Variants in MACROD2 observed in about 807,000 individuals in gnomAD.
MACROD2 encodes mono-ADP ribosylhydrolase 2.
A neutral mutation model predicts 70.4 loss-of-function variants in MACROD2; 36 were observed. That is an observed-to-expected ratio of 0.51 (90% CI 0.39 to 0.68). MACROD2 has a LOEUF of 0.68. Ranked by LOEUF, MACROD2 falls within the 30% of genes least tolerant of loss-of-function variation. The probability of loss-of-function intolerance (pLI) is 0.00; values close to 1 mark genes in which losing one functional copy is unlikely to be tolerated. For synonymous variants in MACROD2, 172 were observed against 178.8 expected (o/e 0.96, Z 0.30); for missense variants, 496 against 538.4 (o/e 0.92, Z 0.78).
intron 8 of MACROD2, among the ~76,000 whole-genome samples, chr20:15,544,544 GGA>G (rs1405806537): frequency 1.3e-5 from 2 of 152,166 alleles, no homozygotes; most frequent in Non-Finnish European, 2.9e-5. Context: ...TCACCTGCGA[GGA>G]GAGTCAGACT....
intron 4 of MACROD2, among the ~76,000 whole-genome samples, chr20:14,559,950 C>CT (rs1201276106): frequency 6.6e-6 from 1 of 151,766 alleles, no homozygotes; most frequent in African/African-American, 2.4e-5. Flanking sequence ...CAATCTGGTC[C>CT]TTTTTCTTTT....
chr20:14,445,231 A>G (rs1240924343), intron 3 of MACROD2, among the ~76,000 whole-genome samples: 1 of 152,014 alleles, frequency 6.6e-6, no homozygotes, highest in Non-Finnish European at 1.5e-5. Context: ...CGCAAGCTCC[A>G]TGAGGGCAAG....
intron 3 of MACROD2, among the ~76,000 whole-genome samples, chr20:14,415,624 C>T (rs2122878317): frequency 6.6e-6 from 1 of 152,260 alleles, no homozygotes; most frequent in Admixed American, 6.5e-5. Context: ...GATTTACATT[C>T]AGGGGGAAAC....
At position 15,229,992 on chromosome 20, in the gene MACROD2, C is replaced by T; in HGVS notation, c.471C>T (p.His157=). The T allele has an allele frequency of 1.9e-6, 3 of 1,613,710 alleles. No individual in the cohort carries two copies. The highest frequency in any genetic ancestry group is 2.5e-6 in the Non-Finnish European group (3 of 1,179,688). ...PIARGHINGS[H]KEDLANCYKS... is the part of the protein sequence containing the mutation. ...CCAGGGGCCATATTAATGGTTCCCA[C>T]AAGGAAGACCTTGCAAATTGCTATA... Residue 157 remains histidine (H), a synonymous_variant, in exon 6 of 18, where the codon CAC becomes CAT. Coordinates refer to ENST00000684519, the MANE Select transcript of MACROD2 (RefSeq NM_001351661.2).
At chr20:15,626,312 T>C (rs1027129751) in intron 8 of MACROD2, among the ~76,000 whole-genome samples, 1 of 152,204 alleles carries the variant, frequency 6.6e-6, no homozygotes, top group Non-Finnish European at 1.5e-5. Flanking sequence ...AAAATGTCTT[T>C]TCTTAGAGGT....
intron 8 of MACROD2, among the ~76,000 whole-genome samples, chr20:15,507,494 TTCTTTTCTCTTC>T (rs2146505524): frequency 6.6e-6 from 1 of 152,008 alleles, no homozygotes; most frequent in South Asian, 2.1e-4. Flanking sequence ...TTTCTTTCTT[TTCTTTTCTCTTC>T]TCTTTTCTTT....
chr20:15,667,095 G>A (rs6043418), intron 8 of MACROD2, among the ~76,000 whole-genome samples: 88,798 of 151,912 alleles, frequency 0.58, 26,328 homozygotes, highest in East Asian at 0.86. Context: ...TCTCATGTTG[G>A]ATTGTAATCC....
chr20:15,218,915 G>C (rs922101504), intron 5 of MACROD2, among the ~76,000 whole-genome samples: 1 of 152,074 alleles, frequency 6.6e-6, no homozygotes, highest in Non-Finnish European at 1.5e-5. Flanking sequence ...GCGTGGCGGC[G>C]TGTGCCTGTA....
chr20:15,499,419 G>A (rs577336804), intron 7 of MACROD2, among the ~76,000 whole-genome samples: 8 of 151,962 alleles, frequency 5.3e-5, no homozygotes, highest in South Asian at 4.2e-4. Flanking sequence ...TTTAAGCTGA[G>A]GATAATAAAC....
At chr20:14,884,766 C>T (rs1018394143) in intron 5 of MACROD2, among the ~76,000 whole-genome samples, 2 of 152,068 alleles carry the variant, frequency 1.3e-5, no homozygotes, top group Non-Finnish European at 2.9e-5. Flanking sequence ...AACTGACCAG[C>T]GTTAATATTG....
At chr20:14,652,807 T>C (rs1985745312) in intron 4 of MACROD2, among the ~76,000 whole-genome samples, 1 of 152,212 alleles carries the variant, frequency 6.6e-6, no homozygotes, top group South Asian at 2.1e-4. Flanking sequence ...TTTTCTTCAG[T>C]CCCAATAGGT....
At chr20:14,331,882 A>G (rs912232506) in intron 3 of MACROD2, among the ~76,000 whole-genome samples, 1 of 152,052 alleles carries the variant, frequency 6.6e-6, no homozygotes, top group Admixed American at 6.6e-5. Flanking sequence ...TGGCATGGAC[A>G]CTGTGGCCAG....
intron 3 of MACROD2, among the ~76,000 whole-genome samples, chr20:14,241,241 G>C (rs976498703): frequency 3.3e-5 from 5 of 152,178 alleles, no homozygotes; most frequent in Non-Finnish European, 7.3e-5. Flanking sequence ...CATAATCTGA[G>C]ATATTTATAA....
intron 3 of MACROD2, among the ~76,000 whole-genome samples, chr20:14,485,630 GGC>G (rs1307762718): frequency 8.2e-6 from 1 of 121,300 alleles, no homozygotes. Flanking sequence ...GAACCCAGGA[GGC>G]GGAGCTTGCA....
At chr20:14,625,730 A>T (rs1054347272) in intron 4 of MACROD2, among the ~76,000 whole-genome samples, 1 of 152,178 alleles carries the variant, frequency 6.6e-6, no homozygotes, top group Admixed American at 6.5e-5. Flanking sequence ...TTGTCAATGA[A>T]TATCATCAGC....
intron 6 of MACROD2, among the ~76,000 whole-genome samples, chr20:15,354,886 A>C (rs1009355953): frequency 6.6e-6 from 1 of 152,224 alleles, no homozygotes; most frequent in Admixed American, 6.5e-5. Context: ...ATAGAACTAC[A>C]TAGTAATATG....
At chr20:15,138,210 AGT>A (rs1421006778) in intron 5 of MACROD2, among the ~76,000 whole-genome samples, 1 of 152,092 alleles carries the variant, frequency 6.6e-6, no homozygotes, top group Non-Finnish European at 1.5e-5. Flanking sequence ...ATTCCTTTAA[AGT>A]GTCTGTTTTA....
At chr20:15,827,650 T>C (rs1455148431) in intron 8 of MACROD2, among the ~76,000 whole-genome samples, 1 of 152,184 alleles carries the variant, frequency 6.6e-6, no homozygotes, top group Admixed American at 6.5e-5. Flanking sequence ...GAGGGGGGAC[T>C]TTGGGAGAGG....
chr20:15,520,391 G>A (rs370404722), intron 8 of MACROD2, among the ~76,000 whole-genome samples: 2 of 152,200 alleles, frequency 1.3e-5, no homozygotes, highest in Admixed American at 6.5e-5. Context: ...TTTCTGGAGC[G>A]AGTCAAAGTG....
Sources: allele counts gnomAD v4.1 joint callset (sites outside exome capture counted in the v4.1 genomes callset), GRCh38; gene constraint gnomAD v4.1.1; transcripts MANE v1.5; gene names NCBI Gene and HGNC (gene_info 2026-07-23, HGNC 2026-07-21).